Variants in KMT2C observed in about 807,000 individuals in gnomAD.
KMT2C encodes histone-lysine N-methyltransferase 2C.
A neutral mutation model predicts 507.9 loss-of-function variants in KMT2C; 88 were observed. The ratio of observed to expected loss-of-function variants is 0.17; its 90% CI spans 0.15 to 0.21. The LOEUF is 0.21. Ranked by LOEUF, KMT2C falls within the 10% of genes least tolerant of loss-of-function variation. KMT2C has a pLI of 1.00. For missense variants in KMT2C, 4,954 were observed against 5,957.8 expected (o/e 0.83, Z 5.55); for synonymous variants, 2,049 against 2,080.8 (o/e 0.98, Z 0.42).
intron 6 of KMT2C, among the ~76,000 whole-genome samples, chr7:152,294,542 T>C (rs947288183): frequency 2.0e-5 from 3 of 152,092 alleles, no homozygotes; most frequent in African/African-American, 4.8e-5. Context: ...GCTGGAAACA[T>C]TGCTAGAGTT....
intron 1 of KMT2C, among the ~76,000 whole-genome samples, chr7:152,360,560 G>A (rs751590357): frequency 5.3e-5 from 8 of 151,494 alleles, no homozygotes; most frequent in Non-Finnish European, 1.2e-4. Context: ...CCAGCCGGGC[G>A]TAGTGGCTCA....
chr7:152,160,513 T>G (rs2129102567), intron 43 of KMT2C, among the ~76,000 whole-genome samples: 1 of 152,146 alleles, frequency 6.6e-6, no homozygotes, highest in Admixed American at 6.6e-5. Context: ...GAAGCAGGTG[T>G]GTGGCGGGAG....
intron 2 of KMT2C, among the ~76,000 whole-genome samples, chr7:152,352,213 G>T (rs1037721688): frequency 2.6e-5 from 4 of 152,102 alleles, no homozygotes; most frequent in African/African-American, 9.7e-5. Context: ...CTCCCGTAGC[G>T]CTCCCAGGCT....
At chr7:152,256,903 G>A (rs1051615488) in intron 9 of KMT2C, among the ~76,000 whole-genome samples, 1 of 152,072 alleles carries the variant, frequency 6.6e-6, no homozygotes, top group African/African-American at 2.4e-5. Context: ...CACATCTCTG[G>A]TGGCAATGCA....
chr7:152,297,057 G>GAAAGAAAGAAAGAAAGAAAGAA (rs756980169), intron 6 of KMT2C, among the ~76,000 whole-genome samples: 10 of 90,746 alleles, frequency 1.1e-4, no homozygotes, highest in South Asian at 4.2e-4. Flanking sequence ...AAGAAAGACA[G>GAAAGAAAGAAAGAAAGAAAGAA]AGAGAGAGAG....
At chr7:152,193,272 C>T (rs898663199) in intron 31 of KMT2C, among the ~76,000 whole-genome samples, 4 of 152,136 alleles carry the variant, frequency 2.6e-5, no homozygotes, top group African/African-American at 9.7e-5. Context: ...ACCAATTTCC[C>T]TATCTACTCA....
At chr7:152,313,700 T>G (rs191167822) in intron 4 of KMT2C, among the ~76,000 whole-genome samples, 1 of 152,276 alleles carries the variant, frequency 6.6e-6, no homozygotes, top group Non-Finnish European at 1.5e-5. Context: ...CCAAGCTAAA[T>G]TAATTGCCTA....
intron 26 of KMT2C, among the ~76,000 whole-genome samples, chr7:152,200,590 C>A (rs2094107375): frequency 6.6e-6 from 1 of 152,008 alleles, no homozygotes; most frequent in South Asian, 2.1e-4. Flanking sequence ...ATTAGCCAGG[C>A]ATGCGCCAAC....
chr7:152,268,307 A>C (rs1207985661), intron 7 of KMT2C, among the ~76,000 whole-genome samples: 2 of 152,056 alleles, frequency 1.3e-5, no homozygotes, highest in Non-Finnish European at 2.9e-5. Flanking sequence ...TTATTTCCTG[A>C]ATACCTATTA....
At chr7:152,327,550 A>C (rs1236453762) in intron 3 of KMT2C, among the ~76,000 whole-genome samples, 1 of 152,178 alleles carries the variant, frequency 6.6e-6, no homozygotes, top group African/African-American at 2.4e-5. Flanking sequence ...GCATTACACC[A>C]TTTCTAATCT....
At chr7:152,141,077 T>A (rs1282528492) in intron 55 of KMT2C, among the ~76,000 whole-genome samples, 3 of 151,618 alleles carry the variant, frequency 2.0e-5, no homozygotes, top group Admixed American at 1.3e-4. Context: ...CCGTCTCTAC[T>A]AAAAATACAA....
At position 152,427,658 on chromosome 7, in the gene KMT2C, T is replaced by C. The variant is rs180674672; in HGVS notation, c.161+7968A>G. On this transcript the variant is annotated intron_variant, in intron 1 of 58. Transcript: ENST00000262189. The stretch of plus-strand genomic sequence containing the variant: ...GAGAATATATTCTGATTTCCTTTCT[T>C]GTTTTTCCGGGTATAACTGGTCCCC... 2.2e-3 allele frequency among the ~76,000 whole-genome samples: 335 copies of C among 152,336 alleles called. 3 individuals carry two copies. The highest frequency in any genetic ancestry group is 0.01 in the Middle Eastern group (3 of 294).
intron 42 of KMT2C, 25 bp downstream of exon 42, chr7:152,167,121 T>A: frequency 6.4e-7 from 1 of 1,557,720 alleles, no homozygotes; most frequent in South Asian, 1.1e-5. Context: ...GTTGGTAGTT[T>A]CTATTTTGCA....
At chr7:152,399,811 T>C (rs2097560702) in intron 1 of KMT2C, among the ~76,000 whole-genome samples, 1 of 152,010 alleles carries the variant, frequency 6.6e-6, no homozygotes, top group African/African-American at 2.4e-5. Context: ...AGAAAAGATA[T>C]TGGCGGGGGA....
At chr7:152,376,823 T>C (rs2097331760) in intron 1 of KMT2C, among the ~76,000 whole-genome samples, 1 of 152,304 alleles carries the variant, frequency 6.6e-6, no homozygotes, top group East Asian at 1.9e-4. Flanking sequence ...GTGTTTTATG[T>C]AGACAAAAGA....
intron 1 of KMT2C, among the ~76,000 whole-genome samples, chr7:152,376,670 G>A (rs1372971425): frequency 1.3e-5 from 2 of 152,200 alleles, no homozygotes; most frequent in Non-Finnish European, 2.9e-5. Flanking sequence ...CTGGAAGCAA[G>A]TAGAGATTGG....
At chr7:152,221,795 G>A (rs2094780150) in intron 22 of KMT2C, among the ~76,000 whole-genome samples, 1 of 152,116 alleles carries the variant, frequency 6.6e-6, no homozygotes, top group Admixed American at 6.5e-5. Context: ...TGTTATTTTT[G>A]TTGCCTACTT....
At position 152,185,587 on chromosome 7, in the gene KMT2C, C is replaced by T. The variant is rs145848316; in HGVS notation, c.5053G>A (p.Ala1685Thr). 5 of 1,601,508 alleles carry T rather than the reference C, an allele frequency of 3.1e-6. No individual in the cohort carries two copies. Among genetic ancestry groups the T allele is most frequent in the Non-Finnish European group, 4.3e-6 (5 of 1,171,964 alleles). Reference sequence around the variant, plus strand: ...TATGGTGCTCTTTCTTGTGAGCTTGCTTTTCTCCACAATTTGGCAATTTGC... The same window carrying T: ...TATGGTGCTCTTTCTTGTGAGCTTGTTTTTCTCCACAATTTGGCAATTTGC... ...VKQIAKLWRK[A>T]SSQERAPYVQ... Residue 1685 changes from alanine (A) to threonine (T), a missense_variant, in exon 34 of 59, where the codon GCA (alanine) becomes ACA (threonine). Ala to Thr is a moderately conservative substitution (Grantham distance 58, BLOSUM62 0). This residue lies in a region of KMT2C where 24 missense variants were observed against 52.9 expected (regional missense o/e 0.45). Transcript: ENST00000262189.
chr7:152,330,163 G>C (rs2096868300), intron 3 of KMT2C, among the ~76,000 whole-genome samples: 1 of 123,318 alleles, frequency 8.1e-6, no homozygotes, highest in South Asian at 3.6e-4. Flanking sequence ...AGGGGGGGAG[G>C]GGTGGTGGGG....
Sources: gnomAD v4.1 joint callset for allele counts (sites outside exome capture counted in the v4.1 genomes callset) on GRCh38, gnomAD v4.1.1 for gene constraint, gnomAD v4.1.1 regional missense constraint, MANE v1.5 for transcripts, NCBI Gene and HGNC (gene_info 2026-07-23, HGNC 2026-07-21) for gene names.